The following L3MBTL4 variants were observed in gnomAD, a reference collection of about 807,000 sequenced individuals.
L3MBTL4 encodes the protein lethal(3)malignant brain tumor-like protein 4.
A neutral mutation model predicts 84.5 loss-of-function variants in L3MBTL4; 70 were observed. The ratio of observed to expected loss-of-function variants is 0.83; its 90% confidence interval spans 0.68 to 1.01. The LOEUF (loss-of-function observed/expected upper bound fraction) is 1.01, where lower values mean the gene tolerates loss of function less well. Ranked by LOEUF, L3MBTL4 falls within the 50% of genes least tolerant of loss-of-function variation. L3MBTL4 has a pLI of 0.00. For synonymous variants in L3MBTL4, 274 were observed against 259.8 expected, an observed-to-expected ratio of 1.05 and a Z score of -0.52; for missense variants, 715 against 754.8, an observed-to-expected ratio of 0.95 and a Z score of 0.62.
At chr18:6,149,352 T>C (rs1339012297) in intron 13 of L3MBTL4, among the ~76,000 whole-genome samples, 2 of 152,052 alleles carry the variant, frequency 1.3e-5, no homozygotes, top group Non-Finnish European at 2.9e-5. Context: ...TCCAGTTTCA[T>C]ACATGTCCCT....
chr18:6,292,183 T>A (rs2049896514), intron 4 of L3MBTL4, among the ~76,000 whole-genome samples: 1 of 152,174 alleles, frequency 6.6e-6, no homozygotes, highest in Admixed American at 6.5e-5. Flanking sequence ...TTCAACACAG[T>A]CATAAAACGC....
chr18:6,362,886 G>A (rs997240570), intron 1 of L3MBTL4, among the ~76,000 whole-genome samples: 16 of 152,232 alleles, frequency 1.1e-4, no homozygotes, highest in Admixed American at 9.2e-4. Flanking sequence ...TCGGAGAGAA[G>A]GCTGGAGAAG....
At chr18:6,263,209 C>A (rs1444572970) in intron 5 of L3MBTL4, among the ~76,000 whole-genome samples, 1 of 150,948 alleles carries the variant, frequency 6.6e-6, no homozygotes, top group Non-Finnish European at 1.5e-5. Flanking sequence ...TTGGAGGTTG[C>A]CACGAGCCAA....
chr18:6,405,636 G>A (rs112140159), intron 1 of L3MBTL4, among the ~76,000 whole-genome samples: 1 of 98,008 alleles, frequency 1.0e-5, no homozygotes, highest in Non-Finnish European at 2.1e-5. Context: ...GGGGCTGGGC[G>A]CGAGGGCCCC....
At chr18:6,239,391 C>A (rs1434545535) in intron 9 of L3MBTL4, among the ~76,000 whole-genome samples, 7 of 138,780 alleles carry the variant, frequency 5.0e-5, no homozygotes, top group Middle Eastern at 3.6e-3. Flanking sequence ...ATTTTTTAGA[C>A]AAAAAAAAAA....
intron 16 of L3MBTL4, among the ~76,000 whole-genome samples, chr18:5,977,470 A>T (rs2053001766): frequency 6.6e-6 from 1 of 152,094 alleles, no homozygotes; most frequent in Non-Finnish European, 1.5e-5. Flanking sequence ...CTGGAGCATC[A>T]GGCTCCCTGT....
chr18:6,024,318 A>G (rs1185499985), intron 16 of L3MBTL4, among the ~76,000 whole-genome samples: 1 of 152,228 alleles, frequency 6.6e-6, no homozygotes, highest in African/African-American at 2.4e-5. Flanking sequence ...GATAATCACA[A>G]CACAGGTGGT....
At chr18:6,048,528 G>A (rs1004288456) in intron 16 of L3MBTL4, among the ~76,000 whole-genome samples, 2 of 152,026 alleles carry the variant, frequency 1.3e-5, no homozygotes, top group Non-Finnish European at 2.9e-5. Context: ...TGGGCATGGT[G>A]GCTCACATCT....
chr18:6,146,278 G>A (rs1288628512), intron 13 of L3MBTL4, among the ~76,000 whole-genome samples: 6 of 152,228 alleles, frequency 3.9e-5, no homozygotes, highest in Non-Finnish European at 7.3e-5. Context: ...AGCCCACACA[G>A]GCAGCATCCA....
intron 16 of L3MBTL4, among the ~76,000 whole-genome samples, chr18:6,024,069 G>C (rs1331881880): frequency 6.6e-6 from 1 of 152,172 alleles, no homozygotes; most frequent in Middle Eastern, 3.4e-3. Context: ...TAGACACCGG[G>C]TTTCACCATG....
intron 10 of L3MBTL4, among the ~76,000 whole-genome samples, chr18:6,226,586 G>A (rs2046793527): frequency 6.6e-6 from 1 of 151,996 alleles, no homozygotes; most frequent in Non-Finnish European, 1.5e-5. Flanking sequence ...AAGACAACAA[G>A]AGGAGAAATG....
At chr18:6,323,353 C>G (rs1181964334) in intron 1 of L3MBTL4, among the ~76,000 whole-genome samples, 1 of 152,056 alleles carries the variant, frequency 6.6e-6, no homozygotes, top group Non-Finnish European at 1.5e-5. Context: ...CTAGGGGGCT[C>G]AGAAGAAGAT....
intron 4 of L3MBTL4, among the ~76,000 whole-genome samples, chr18:6,289,686 A>G (rs1360219738): frequency 4.0e-5 from 6 of 151,116 alleles, no homozygotes; most frequent in Non-Finnish European, 5.9e-5. Flanking sequence ...ACAACTCTCT[A>G]CTTCAACTTT....
chr18:5,974,155 C>T (rs1395833385), intron 16 of L3MBTL4, among the ~76,000 whole-genome samples: 1 of 152,114 alleles, frequency 6.6e-6, no homozygotes, highest in East Asian at 1.9e-4. Context: ...ATTTTCCTTG[C>T]TATGGGTGTT....
chr18:6,272,494 G>A (rs1380458364), intron 4 of L3MBTL4, among the ~76,000 whole-genome samples: 9 of 71,208 alleles, frequency 1.3e-4, no homozygotes, highest in East Asian at 3.3e-4. Context: ...ACAGAGCGGC[G>A]CCTTCAGGAG....
intron 12 of L3MBTL4, among the ~76,000 whole-genome samples, chr18:6,177,853 G>A (rs975247682): frequency 1.3e-5 from 2 of 152,198 alleles, no homozygotes; most frequent in Admixed American, 6.5e-5. Flanking sequence ...GTTTGTGTAA[G>A]TCCATATAAT....
At chr18:6,139,451 G>T (rs2060129628) in intron 13 of L3MBTL4, among the ~76,000 whole-genome samples, 1 of 151,916 alleles carries the variant, frequency 6.6e-6, no homozygotes, top group Admixed American at 6.6e-5. Context: ...TCCATGCCCT[G>T]TTCTGTGATC....
At chr18:6,143,693 G>T (rs35812485) in intron 13 of L3MBTL4, among the ~76,000 whole-genome samples, 29,593 of 152,024 alleles carry the variant, frequency 0.19, 3,765 homozygotes, top group African/African-American at 0.36. Flanking sequence ...CTGACCATAT[G>T]ACCCATTCTT....
At chr18:6,199,343 T>C (rs530738737) in intron 12 of L3MBTL4, among the ~76,000 whole-genome samples, 1 of 152,288 alleles carries the variant, frequency 6.6e-6, no homozygotes, top group African/African-American at 2.4e-5. Context: ...TTAAATTCAT[T>C]AAACTCAACT....
Sources: gnomAD v4.1 joint callset for allele counts (sites outside exome capture counted in the v4.1 genomes callset) on GRCh38, gnomAD v4.1.1 for gene constraint, MANE v1.5 for transcripts, NCBI Gene and HGNC (gene_info 2026-07-23, HGNC 2026-07-21) for gene names.